The following INSR variants were observed in gnomAD, a reference collection of about 807,000 sequenced individuals.
INSR encodes the protein insulin receptor, also known as IR.
A neutral mutation model predicts 142.6 loss-of-function variants in INSR; 67 were observed. The observed-to-expected ratio is 0.47, with a 90% CI of 0.39 to 0.58. The LOEUF (loss-of-function observed/expected upper bound fraction) is 0.58. Ranked by LOEUF, INSR falls within the 20% of genes least tolerant of loss-of-function variation. The probability of loss-of-function intolerance (pLI) is 0.00; values close to 1 mark genes in which losing one functional copy is unlikely to be tolerated. For synonymous variants in INSR, 756 were observed against 743.1 expected (o/e 1.02, Z -0.28); for missense variants, 1,248 against 1,833.2 (o/e 0.68, Z 5.83).
chr19:7,286,350 G>C (rs1378558225), intron 1 of INSR, among the ~76,000 whole-genome samples: 1 of 151,952 alleles, frequency 6.6e-6, no homozygotes. Context: ...GGACATGAAT[G>C]GAATGCTTTT....
chr19:7,207,803 C>T (rs542641151), intron 2 of INSR, among the ~76,000 whole-genome samples: 13 of 152,002 alleles, frequency 8.6e-5, no homozygotes, highest in Non-Finnish European at 1.6e-4. Context: ...AGGAGGATCA[C>T]TTGAGCACAG....
At chr19:7,126,521 G>T in intron 16 of INSR, 63 bp downstream of exon 16, 1 of 1,411,884 alleles carries the variant, frequency 7.1e-7, no homozygotes, top group Non-Finnish European at 9.8e-7. Flanking sequence ...TCACTCAATG[G>T]TGAAGGCAAA....
At chr19:7,211,913 C>CA (rs1975286343) in intron 2 of INSR, among the ~76,000 whole-genome samples, 1 of 141,324 alleles carries the variant, frequency 7.1e-6, no homozygotes, top group South Asian at 2.1e-4. Flanking sequence ...CTCACGAATT[C>CA]AACACCTGGT....
chr19:7,132,353 AGCTTTGCACATCTG>A, intron 13 of INSR, 36 bp from the exon 14 acceptor site: 1 of 1,606,938 alleles, frequency 6.2e-7, no homozygotes, highest in South Asian at 1.1e-5. Flanking sequence ...AGGGTGGCTG[AGCTTTGCACATCTG>A]GGAGTGTCCA....
At position 7,115,407 on chromosome 19, in the gene INSR, C is replaced by G. The variant is rs779568659; in HGVS notation, c.*1649G>C. On this transcript the variant is annotated 3_prime_UTR_variant, in exon 22 of 22. Coordinates refer to ENST00000302850, the MANE Select transcript of INSR (RefSeq NM_000208.4). ...GACTCTACTCTCTTAGGGATTGCAA[C>G]ACTGTAAGCACCTGAGCATTCAGCT... The G allele has an allele frequency of 6.6e-6, 1 of 152,174 alleles. No homozygotes were observed. Among genetic ancestry groups the G allele is most frequent in the East Asian group, 1.9e-4 (1 of 5,192 alleles). The allele number at this position is 152,174 out of a possible 1,614,324, so 9.4% of individuals were successfully genotyped here.
chr19:7,153,129 C>CA (rs1973448482), intron 9 of INSR, among the ~76,000 whole-genome samples: 1 of 5,626 alleles, frequency 1.8e-4, no homozygotes, highest in Non-Finnish European at 1.2e-3. Context: ...CACACACACA[C>CA]CACACACCAC....
intron 1 of INSR, among the ~76,000 whole-genome samples, chr19:7,282,683 T>C (rs1334212408): frequency 1.4e-5 from 2 of 143,334 alleles, no homozygotes; most frequent in Non-Finnish European, 3.1e-5. Flanking sequence ...CTGCTCAAAA[T>C]AATAATAATA....
intron 9 of INSR, 67 bp from the exon 10 acceptor site, chr19:7,152,994 CACCCCACACA>C: frequency 1.2e-6 from 1 of 806,456 alleles, no homozygotes; most frequent in Non-Finnish European, 1.9e-6. Context: ...CACACACACA[CACCCCACACA>C]CACACACACC....
intron 2 of INSR, among the ~76,000 whole-genome samples, chr19:7,219,916 G>GA (rs562129816): frequency 8.4e-3 from 97 of 11,572 alleles, no homozygotes; most frequent in African/African-American, 0.037. Flanking sequence ...ATTTAGCAAG[G>GA]AAAAATCTCT....
chr19:7,118,927 A>G (rs1022139653), intron 21 of INSR, among the ~76,000 whole-genome samples: 1 of 151,200 alleles, frequency 6.6e-6, no homozygotes, highest in South Asian at 2.1e-4. Context: ...AAAAAAAAAA[A>G]AAAAAAAAAA....
At chr19:7,230,354 T>C (rs1316173444) in intron 2 of INSR, among the ~76,000 whole-genome samples, 1 of 152,198 alleles carries the variant, frequency 6.6e-6, no homozygotes, top group East Asian at 1.9e-4. Flanking sequence ...TGGTAGCAGC[T>C]GGATCACTTT....
intron 2 of INSR, among the ~76,000 whole-genome samples, chr19:7,229,318 ATGGATGGATGGATAGATGGATG>A (rs1220695994): frequency 1.1e-3 from 71 of 66,744 alleles, no homozygotes; most frequent in African/African-American, 3.7e-3. Context: ...GGATGGATGG[ATGGATGGATGGATAGATGGATG>A]GATGGATGGA....
At chr19:7,152,110 G>C (rs1973380786) in intron 10 of INSR, 1 of 165,432 alleles carries the variant, frequency 6.0e-6, no homozygotes, top group African/African-American at 2.4e-5. Flanking sequence ...AATAATCACG[G>C]CCAGGCACGG....
intron 19 of INSR, among the ~76,000 whole-genome samples, chr19:7,121,580 C>T (rs1473127908): frequency 1.3e-5 from 2 of 152,122 alleles, no homozygotes; most frequent in African/African-American, 2.4e-5. Flanking sequence ...AATCCTCCCA[C>T]CCCAGCCTCC....
At chr19:7,285,314 T>C (rs1968318872) in intron 1 of INSR, among the ~76,000 whole-genome samples, 1 of 151,920 alleles carries the variant, frequency 6.6e-6, no homozygotes, top group African/African-American at 2.4e-5. Context: ...TAGCCGGGCA[T>C]GGTGGCGTGC....
intron 2 of INSR, among the ~76,000 whole-genome samples, chr19:7,224,399 G>A (rs1975715297): frequency 6.6e-6 from 1 of 152,088 alleles, no homozygotes; most frequent in Non-Finnish European, 1.5e-5. Flanking sequence ...TTTCCCCAGA[G>A]CACAAACAGA....
At chr19:7,227,506 C>G (rs1975823702) in intron 2 of INSR, among the ~76,000 whole-genome samples, 1 of 152,184 alleles carries the variant, frequency 6.6e-6, no homozygotes, top group Non-Finnish European at 1.5e-5. Context: ...CTTCTGGACT[C>G]AAGCGATCCG....
intron 2 of INSR, among the ~76,000 whole-genome samples, chr19:7,223,631 T>C (rs748331262): frequency 4.6e-5 from 7 of 152,220 alleles, no homozygotes; most frequent in Non-Finnish European, 1.0e-4. Flanking sequence ...TGCTTCTTCA[T>C]TGAACTCCTA....
intron 1 of INSR, among the ~76,000 whole-genome samples, chr19:7,283,231 C>T (rs1322993271): frequency 2.0e-5 from 3 of 151,994 alleles, no homozygotes; most frequent in African/African-American, 2.4e-5. Flanking sequence ...AATAAAATCC[C>T]GAGAGCCACT....
Sources: allele counts gnomAD v4.1 joint callset (sites outside exome capture counted in the v4.1 genomes callset), GRCh38; gene constraint gnomAD v4.1.1; transcripts MANE v1.5; gene names NCBI Gene and HGNC (gene_info 2026-07-23, HGNC 2026-07-21).